The following AEBP2 variants were observed in gnomAD, a reference collection of about 807,000 sequenced individuals.
AEBP2 encodes zinc finger protein AEBP2.
In AEBP2, 10 loss-of-function variants were observed where a neutral mutation model predicts 50.8. The observed-to-expected ratio is 0.20, with a 90% CI of 0.12 to 0.33. The LOEUF is 0.33. Among genes scored for constraint, AEBP2 ranks in the 10% least tolerant of loss-of-function variants. AEBP2 has a pLI of 1.00. For synonymous variants in AEBP2, 296 were observed against 261.3 expected, an observed-to-expected ratio of 1.13 and a Z score of -1.28; for missense variants, 570 against 688.0, an observed-to-expected ratio of 0.83 and a Z score of 1.92.
Position 19,518,335 on chromosome 12 carries a change from C to T in AEBP2, c.*218C>T. On this transcript the variant is annotated 3_prime_UTR_variant, in exon 8 of 8. Coordinates refer to ENST00000266508, the MANE Select transcript of AEBP2 (RefSeq NM_153207.5). ...ATATATTAATATATTACTGTATATC[C>T]ACATTTTCATGGAATGGTACTGTGG... The T allele has an allele frequency of 8.0e-7, 1 of 1,247,492 alleles. No homozygotes were observed. The highest frequency in any genetic ancestry group is 1.0e-6 in the Non-Finnish European group (1 of 996,074). The allele number at this position is 1,247,492 out of a possible 1,614,324, so 77.3% of individuals were successfully genotyped here.
At chr12:19,466,168 G>T (rs1361543502) in intron 2 of AEBP2, among the ~76,000 whole-genome samples, 2 of 152,008 alleles carry the variant, frequency 1.3e-5, no homozygotes, top group African/African-American at 4.8e-5. Context: ...TCTTTGAAAT[G>T]AACTTTAAAA....
chr12:19,425,636 G>A (rs2095748148), intron 1 of AEBP2, among the ~76,000 whole-genome samples: 1 of 151,884 alleles, frequency 6.6e-6, no homozygotes, highest in African/African-American at 2.4e-5. Context: ...AGCCGGGTAT[G>A]ATGGCACACC....
At chr12:19,513,243 T>C (rs912574185) in intron 6 of AEBP2, among the ~76,000 whole-genome samples, 3 of 152,166 alleles carry the variant, frequency 2.0e-5, no homozygotes, top group African/African-American at 7.2e-5. Flanking sequence ...GAAAAAGCAA[T>C]TGACTAATTT....
intron 7 of AEBP2, among the ~76,000 whole-genome samples, chr12:19,516,216 G>C (rs923234655): frequency 1.3e-5 from 2 of 152,156 alleles, no homozygotes; most frequent in African/African-American, 2.4e-5. Context: ...AATTTGGGAA[G>C]GTTACGAGTT....
intron 1 of AEBP2, among the ~76,000 whole-genome samples, chr12:19,442,300 C>G (rs1233651412): frequency 6.6e-6 from 1 of 151,974 alleles, no homozygotes; most frequent in Non-Finnish European, 1.5e-5. Flanking sequence ...CCCAGCTACT[C>G]GGGAGGCTGA....
chr12:19,404,715 G>T (rs1488322005), intron 1 of AEBP2, among the ~76,000 whole-genome samples: 1 of 152,138 alleles, frequency 6.6e-6, no homozygotes, highest in African/African-American at 2.4e-5. Context: ...GGTCTGGCTC[G>T]TGGGTGTGGC....
At chr12:19,483,195 T>TGAGA (rs1565725111) in intron 3 of AEBP2, among the ~76,000 whole-genome samples, 4 of 152,102 alleles carry the variant, frequency 2.6e-5, no homozygotes, top group African/African-American at 9.7e-5. Flanking sequence ...AGTACCCTTG[T>TGAGA]GAGATATAGT....
At chr12:19,425,102 C>G (rs558133138) in intron 1 of AEBP2, among the ~76,000 whole-genome samples, 18 of 152,280 alleles carry the variant, frequency 1.2e-4, no homozygotes, top group African/African-American at 4.3e-4. Flanking sequence ...AGCCACTAAA[C>G]TGGCATGCAA....
At chr12:19,511,184 T>TA (rs1949226881) in intron 5 of AEBP2, among the ~76,000 whole-genome samples, 1 of 152,102 alleles carries the variant, frequency 6.6e-6, no homozygotes, top group African/African-American at 2.4e-5. Flanking sequence ...TTCATATAAA[T>TA]AAGTCTTTAG....
intron 1 of AEBP2, among the ~76,000 whole-genome samples, chr12:19,445,516 A>C (rs1206743137): frequency 6.6e-6 from 1 of 152,096 alleles, no homozygotes; most frequent in East Asian, 1.9e-4. Flanking sequence ...GCCCGGCCTC[A>C]TGCCAGGTAC....
intron 5 of AEBP2, among the ~76,000 whole-genome samples, chr12:19,501,961 C>T (rs1300679132): frequency 6.6e-6 from 1 of 151,806 alleles, no homozygotes; most frequent in Non-Finnish European, 1.5e-5. Flanking sequence ...GTACAGTGTA[C>T]CAACTATTTA....
intron 1 of AEBP2, among the ~76,000 whole-genome samples, chr12:19,442,577 T>G (rs1274821310): frequency 1.3e-5 from 2 of 152,206 alleles, no homozygotes; most frequent in Non-Finnish European, 2.9e-5. Flanking sequence ...ACATCTTATT[T>G]CAGAATAAGA....
chr12:19,472,482 C>G (rs4963539), intron 2 of AEBP2, among the ~76,000 whole-genome samples: 3,232 of 152,186 alleles, frequency 0.021, 41 homozygotes, highest in East Asian at 0.043. Context: ...CTTTCCACAC[C>G]TAGTTATACT....
At chr12:19,449,483 T>C (rs1948128782) in intron 1 of AEBP2, among the ~76,000 whole-genome samples, 1 of 152,208 alleles carries the variant, frequency 6.6e-6, no homozygotes, top group Admixed American at 6.5e-5. Context: ...AGTAATGTGC[T>C]CAGTGCGTAG....
chr12:19,474,385 G>A (rs903487639), intron 3 of AEBP2, among the ~76,000 whole-genome samples: 2 of 152,158 alleles, frequency 1.3e-5, no homozygotes, highest in Non-Finnish European at 2.9e-5. Flanking sequence ...TTCTTGTGGA[G>A]TTGCTTTTAA....
At chr12:19,478,596 G>A (rs1010979195) in intron 3 of AEBP2, among the ~76,000 whole-genome samples, 3 of 152,186 alleles carry the variant, frequency 2.0e-5, no homozygotes, top group African/African-American at 7.2e-5. Flanking sequence ...GGCATTTGAT[G>A]TAGGCATTTA....
intron 5 of AEBP2, among the ~76,000 whole-genome samples, chr12:19,507,394 G>A (rs896107132): frequency 1.3e-5 from 2 of 152,034 alleles, no homozygotes; most frequent in Non-Finnish European, 2.9e-5. Context: ...CCAAAAGAAG[G>A]AAAATGAAGG....
At chr12:19,429,284 A>G (rs1245073183) in intron 1 of AEBP2, among the ~76,000 whole-genome samples, 1 of 152,164 alleles carries the variant, frequency 6.6e-6, no homozygotes, top group Admixed American at 6.5e-5. Context: ...AGCTTCATCC[A>G]TGTCCCTACA....
At chr12:19,508,507 T>A (rs1380441700) in intron 5 of AEBP2, among the ~76,000 whole-genome samples, 2 of 152,192 alleles carry the variant, frequency 1.3e-5, no homozygotes, top group African/African-American at 4.8e-5. Context: ...TTAAGACTAT[T>A]AAAACACTAA....
Sources: gnomAD v4.1 joint callset for allele counts (sites outside exome capture counted in the v4.1 genomes callset) on GRCh38, gnomAD v4.1.1 for gene constraint, MANE v1.5 for transcripts, NCBI Gene and HGNC (gene_info 2026-07-23, HGNC 2026-07-21) for gene names.